The following CHD1L variants were observed in gnomAD, a reference collection of about 807,000 sequenced individuals.
The protein encoded by CHD1L is ATP-dependent chromatin remodeler CHD1L.
A neutral mutation model predicts 115.9 loss-of-function variants in CHD1L; 118 were observed. The observed-to-expected ratio is 1.02, with a 90% confidence interval of 0.88 to 1.19. The LOEUF (loss-of-function observed/expected upper bound fraction) is 1.19, where lower values mean the gene tolerates loss of function less well. Among genes scored for constraint, CHD1L ranks in the 50% most tolerant of loss-of-function variants. The pLI, the probability that CHD1L is intolerant of heterozygous loss-of-function variation, is 0.00. For missense variants in CHD1L, 1,179 were observed against 1,065.3 expected (o/e 1.11, Z -1.49); for synonymous variants, 411 against 387.1 (o/e 1.06, Z -0.72).
intron 5 of CHD1L, 43 bp downstream of exon 5, chr1:147,256,605 A>G (rs1670242481): frequency 6.4e-7 from 1 of 1,556,182 alleles, no homozygotes; most frequent in Non-Finnish European, 8.9e-7. Flanking sequence ...TGAATGTATT[A>G]TGAATGTCAT....
chr1:147,241,440 A>C (rs1664872526), upstream of CHD1L, among the ~76,000 whole-genome samples: 1 of 151,820 alleles, frequency 6.6e-6, no homozygotes, highest in Non-Finnish European at 1.5e-5. Flanking sequence ...TTTGACTGTA[A>C]TTTTCCTTTA....
intron 11 of CHD1L, among the ~76,000 whole-genome samples, chr1:147,271,441 CATAGACA>C (rs1676182210): frequency 6.6e-6 from 1 of 152,082 alleles, no homozygotes; most frequent in Admixed American, 6.5e-5. Context: ...ACTTTTTCTG[CATAGACA>C]ATAAAGAATG....
At chr1:147,231,362 G>T in the CHD1L span, among the ~76,000 whole-genome samples, 1 of 152,172 alleles carries the variant, frequency 6.6e-6, no homozygotes, top group South Asian at 2.1e-4. Context: ...TTGCACTGTG[G>T]TCTGAGAGAC....
At chr1:147,204,628 T>C in the CHD1L span, 5 of 1,590,972 alleles carry the variant, frequency 3.1e-6, no homozygotes, top group Non-Finnish European at 4.3e-6. Context: ...CAGAACAATG[T>C]TTGTGCCATC....
Position 147,254,949 on chromosome 1 carries a change from T to A in CHD1L, c.320T>A (p.Leu107Ter). Residue 107 changes from leucine (L) to a stop codon, truncating the protein, a stop_gained, in exon 3 of 23, where the codon TTG (leucine) becomes TAG (stop). Coordinates refer to ENST00000369258, the MANE Select transcript of CHD1L (RefSeq NM_004284.6). LOFTEE classifies it high-confidence loss of function. ...PFLILCPLSV[L>*]SNWKEEMQRF... ...CTGATTCTTTGTCCCTTGTCTGTTT[T>A]GAGCAACTGGAAAGAAGAAATGCAG... 1 of 1,606,094 alleles carries A rather than the reference T, an allele frequency of 6.2e-7. No homozygotes were observed. Among genetic ancestry groups the A allele is most frequent in the Non-Finnish European group, 8.5e-7 (1 of 1,177,064 alleles).
chr1:147,201,059 T>A, the CHD1L span: 1 of 877,226 alleles, frequency 1.1e-6, no homozygotes, highest in Non-Finnish European at 1.8e-6. Flanking sequence ...GTTGTAATCA[T>A]ACATGCTATC....
the CHD1L span, chr1:147,178,631 AAGC>A: frequency 6.3e-7 from 1 of 1,592,612 alleles, no homozygotes; most frequent in Non-Finnish European, 8.6e-7. Flanking sequence ...GAGTTCCTAA[AAGC>A]AGCCAGCAAC....
chr1:147,202,466 C>T, the CHD1L span, among the ~76,000 whole-genome samples: 1 of 151,850 alleles, frequency 6.6e-6, no homozygotes, highest in African/African-American at 2.4e-5. Flanking sequence ...ACTACAGGCA[C>T]CTGCCACCAT....
Position 147,265,831 on chromosome 1 carries a change from G to A in CHD1L, c.740-101G>A, listed in dbSNP as rs3737848. ...TACTGGCCTAGAATGCAAAATAAGCGTGAAATAAGAAACAAAAATAAATTT... is the reference window on the plus strand; with the variant it reads ...TACTGGCCTAGAATGCAAAATAAGCATGAAATAAGAAACAAAAATAAATTT... On this transcript the variant is annotated intron_variant, in intron 7 of 22. Transcript: ENST00000369258. The A allele has an allele frequency of 6.2e-5, 68 of 1,097,464 alleles. No homozygotes were observed. In the African/African-American group the frequency reaches 6.5e-4, roughly 10 times the overall value. 68.0% of individuals were successfully genotyped at this position (1,097,464 alleles called of 1,614,324 possible).
At chr1:147,229,484 C>T in the CHD1L span, among the ~76,000 whole-genome samples, 46 of 152,182 alleles carry the variant, frequency 3.0e-4, no homozygotes, top group Admixed American at 8.5e-4. Flanking sequence ...ATTGACTTGG[C>T]GATGCGGGCT....
the CHD1L span, among the ~76,000 whole-genome samples, chr1:147,192,115 T>C: frequency 6.6e-6 from 1 of 152,166 alleles, no homozygotes; most frequent in Non-Finnish European, 1.5e-5. Context: ...ATGGCCATTT[T>C]CACGATATTG....
chr1:147,199,338 A>G, the CHD1L span, among the ~76,000 whole-genome samples: 461 of 152,298 alleles, frequency 3.0e-3, 4 homozygotes, highest in African/African-American at 0.011. Flanking sequence ...CAGATTGGCC[A>G]TGGACAGAAT....
At chr1:147,279,881 T>C (rs1459712968) in intron 14 of CHD1L, 145 bp from the exon 15 acceptor site, 2 of 719,678 alleles carry the variant, frequency 2.8e-6, no homozygotes, top group African/African-American at 3.5e-5. Context: ...TGGCTGTTAC[T>C]ATCTATGATG....
chr1:147,261,248 G>A (rs1488788697), intron 6 of CHD1L, among the ~76,000 whole-genome samples: 1 of 152,102 alleles, frequency 6.6e-6, no homozygotes, highest in Non-Finnish European at 1.5e-5. Flanking sequence ...ATTCATATGA[G>A]CAGAAATTTA....
chr1:147,252,669 C>G lies in CHD1L; in HGVS notation c.174C>G (p.Ala58=), dbSNP rs1198657840. The change falls in exon 2 of 23, where the codon GCC becomes GCG. Residue 58 remains alanine, a synonymous_variant. Coordinates refer to ENST00000369258, the MANE Select transcript of CHD1L (RefSeq NM_004284.6). The part of the protein sequence containing the change: ...SYQLEGVNWL[A]QRFHCQNGCI... ...AGCTGGAGGGAGTAAACTGGCTCGCCCAGCGCTTCCATTGTCAGAATGGCT... is the reference window on the plus strand; with the variant it reads ...AGCTGGAGGGAGTAAACTGGCTCGCGCAGCGCTTCCATTGTCAGAATGGCT... 5 of 1,613,958 alleles carry G rather than the reference C, an allele frequency of 3.1e-6. No homozygotes were observed. In the African/African-American group the frequency reaches 5.3e-5, roughly 17 times the overall value.
the CHD1L span, among the ~76,000 whole-genome samples, chr1:147,180,182 T>C: frequency 2.0e-5 from 3 of 152,184 alleles, no homozygotes; most frequent in African/African-American, 7.2e-5. Context: ...ATAAAGTACA[T>C]GAGGAAGTCC....
At chr1:147,191,876 C>T in the CHD1L span, among the ~76,000 whole-genome samples, 2 of 151,872 alleles carry the variant, frequency 1.3e-5, no homozygotes, top group African/African-American at 2.4e-5. Flanking sequence ...CTATATCTCC[C>T]TTTTGGTACC....
At chr1:147,223,377 G>A in the CHD1L span, among the ~76,000 whole-genome samples, 6 of 152,278 alleles carry the variant, frequency 3.9e-5, no homozygotes, top group African/African-American at 1.4e-4. Context: ...GGGTGCAAAA[G>A]GATTGTATTT....
At chr1:147,178,937 G>A in the CHD1L span, 2 of 1,604,068 alleles carry the variant, frequency 1.2e-6, no homozygotes, top group Admixed American at 3.3e-5. Flanking sequence ...AATGCTAAAG[G>A]TTCCAACTAC....
Sources: gnomAD v4.1 joint callset for allele counts (sites outside exome capture counted in the v4.1 genomes callset) on GRCh38, gnomAD v4.1.1 for gene constraint, MANE v1.5 for transcripts, NCBI Gene and HGNC (gene_info 2026-07-23, HGNC 2026-07-21) for gene names.